COMMD10: variants seen among roughly 807,000 people sequenced by gnomAD.
COMMD10 encodes the protein COMM domain containing 10, also known as COMM domain-containing protein 10.
Under a neutral mutation model 28.9 loss-of-function variants are expected in COMMD10, and 33 were observed. That is an observed-to-expected ratio of 1.14 (90% CI 0.87 to 1.53). COMMD10 has a LOEUF of 1.53. COMMD10 is among the 40% of genes most tolerant of loss of function. The probability of loss-of-function intolerance (pLI) is 0.00; values close to 1 mark genes in which losing one functional copy is unlikely to be tolerated. For missense variants in COMMD10, 310 were observed against 233.4 expected (o/e 1.33, Z -2.14); for synonymous variants, 110 against 81.7 (o/e 1.35, Z -1.87).
chr5:116,120,729 T>C, intron 4 of COMMD10, among the ~76,000 whole-genome samples: 1 of 133,566 alleles, frequency 7.5e-6, no homozygotes. Flanking sequence ...AGACTGATCA[T>C]TTTGTTACTT....
intron 5 of COMMD10, among the ~76,000 whole-genome samples, chr5:116,145,855 C>T (rs1752334044): frequency 6.6e-6 from 1 of 151,918 alleles, no homozygotes; most frequent in African/African-American, 2.4e-5. Flanking sequence ...TTCCTCTTCG[C>T]CTTCTGCCAT....
chr5:116,251,298 A>T (rs6874582), intron 5 of COMMD10, among the ~76,000 whole-genome samples: 53,856 of 136,948 alleles, frequency 0.39, 12,102 homozygotes, highest in African/African-American at 0.68. Context: ...TTATTTATTT[A>T]TTTATTATTA....
intron 4 of COMMD10, among the ~76,000 whole-genome samples, chr5:116,123,011 T>C (rs1459346313): frequency 5.3e-5 from 8 of 152,178 alleles, no homozygotes; most frequent in Non-Finnish European, 1.2e-4. Context: ...CTTCCAACAC[T>C]ATGTTGAATA....
chr5:116,198,652 GA>G (rs1381877030), intron 5 of COMMD10, among the ~76,000 whole-genome samples: 1 of 152,070 alleles, frequency 6.6e-6, no homozygotes, highest in African/African-American at 2.4e-5. Context: ...CTACTACACG[GA>G]AAATCCTCTA....
chr5:116,109,641 C>G (rs1323432382), intron 4 of COMMD10, among the ~76,000 whole-genome samples: 2 of 152,090 alleles, frequency 1.3e-5, no homozygotes, highest in African/African-American at 4.8e-5. Flanking sequence ...TTTCTTGTAG[C>G]CATTGTAAAT....
intron 5 of COMMD10, among the ~76,000 whole-genome samples, chr5:116,276,715 G>A (rs72808909): frequency 0.06 from 9,123 of 151,698 alleles, 362 homozygotes; most frequent in East Asian, 0.14. Context: ...CTACAACATG[G>A]ATACATCTCA....
At chr5:116,152,355 T>G (rs1277823438) in intron 5 of COMMD10, among the ~76,000 whole-genome samples, 1 of 152,110 alleles carries the variant, frequency 6.6e-6, no homozygotes, top group Non-Finnish European at 1.5e-5. Context: ...CTGTGGGATT[T>G]TTTTTCACAG....
At chr5:116,211,169 T>A (rs1460596461) in intron 5 of COMMD10, among the ~76,000 whole-genome samples, 2 of 152,130 alleles carry the variant, frequency 1.3e-5, no homozygotes, top group African/African-American at 4.8e-5. Context: ...TGTTTATGTA[T>A]ATGTATGTAT....
chr5:116,265,074 A>G (rs1192381773), intron 5 of COMMD10, among the ~76,000 whole-genome samples: 5 of 151,706 alleles, frequency 3.3e-5, no homozygotes, highest in Non-Finnish European at 7.4e-5. Context: ...TATTACAGAC[A>G]TTTTGTCTGC....
chr5:116,085,406 GGGTGCTGCCTTC>G (rs1750060728), intron 1 of COMMD10: 3 of 407,370 alleles, frequency 7.4e-6, no homozygotes, highest in East Asian at 8.5e-5. Context: ...AGAAGTTCCC[GGGTGCTGCCTTC>G]AGTGCTGCCG....
intron 5 of COMMD10, among the ~76,000 whole-genome samples, chr5:116,209,848 T>G (rs138598998): frequency 4.5e-4 from 68 of 152,306 alleles, no homozygotes; most frequent in African/African-American, 1.6e-3. Flanking sequence ...GGTGACATCT[T>G]AATTTTAAAA....
intron 4 of COMMD10, among the ~76,000 whole-genome samples, chr5:116,124,031 T>C (rs965714623): frequency 6.6e-6 from 1 of 152,104 alleles, no homozygotes; most frequent in Non-Finnish European, 1.5e-5. Flanking sequence ...TCTGGATTCA[T>C]TGATGTTTTG....
At position 116,272,655 on chromosome 5, in the gene COMMD10, A is replaced by G. The variant is rs527920761; in HGVS notation, c.511-18862A>G. ...ATGCCATATTACATATCCTGTTACCATTCTTGGAAGAAATGCTTCGGAATC... is the reference window on the plus strand; with the variant it reads ...ATGCCATATTACATATCCTGTTACCGTTCTTGGAAGAAATGCTTCGGAATC... On this transcript the variant is annotated intron_variant, in intron 5 of 6. Coordinates refer to ENST00000274458, the MANE Select transcript of COMMD10 (RefSeq NM_016144.4). 2.6e-5 allele frequency among the ~76,000 whole-genome samples: 4 copies of G among 151,940 alleles called. 1 individual carries two copies. Among genetic ancestry groups the G allele is most frequent in the East Asian group, 1.9e-4 (1 of 5,176 alleles).
chr5:116,261,545 G>A (rs1750443974), intron 5 of COMMD10, among the ~76,000 whole-genome samples: 1 of 151,664 alleles, frequency 6.6e-6, no homozygotes, highest in African/African-American at 2.4e-5. Context: ...ATGTTACCAT[G>A]ACTAGAAATT....
intron 5 of COMMD10, among the ~76,000 whole-genome samples, chr5:116,157,092 A>G (rs977094785): frequency 6.6e-6 from 1 of 152,152 alleles, no homozygotes; most frequent in African/African-American, 2.4e-5. Context: ...TTGTTGCTAC[A>G]TATCAGAAGT....
chr5:116,174,288 G>T (rs1462589672), intron 5 of COMMD10, among the ~76,000 whole-genome samples: 1 of 152,128 alleles, frequency 6.6e-6, no homozygotes, highest in Non-Finnish European at 1.5e-5. Flanking sequence ...GGCCAGTGTG[G>T]CAGGAGTAGA....
At chr5:116,175,623 G>A (rs1354399284) in intron 5 of COMMD10, among the ~76,000 whole-genome samples, 2 of 84 alleles carry the variant, frequency 0.024, no homozygotes, top group Admixed American at 0.17. Flanking sequence ...GGCAACCCAA[G>A]TATTTATTTG....
At chr5:116,109,674 T>C (rs1290307530) in intron 4 of COMMD10, among the ~76,000 whole-genome samples, 1 of 152,238 alleles carries the variant, frequency 6.6e-6, no homozygotes, top group Non-Finnish European at 1.5e-5. Context: ...TTGATTTTGT[T>C]CTCAACTAGA....
chr5:116,141,328 C>A (rs1312478719), intron 5 of COMMD10, among the ~76,000 whole-genome samples: 1 of 151,686 alleles, frequency 6.6e-6, no homozygotes, highest in African/African-American at 2.4e-5. Flanking sequence ...GTTACTATAA[C>A]TTTATAATGT....
Sources: gnomAD v4.1 joint callset for allele counts (sites outside exome capture counted in the v4.1 genomes callset) on GRCh38, gnomAD v4.1.1 for gene constraint, MANE v1.5 for transcripts, NCBI Gene and HGNC (gene_info 2026-07-23, HGNC 2026-07-21) for gene names.